Variants in PARVA observed in about 807,000 individuals in gnomAD.
PARVA encodes alpha-parvin.
PARVA carries 25 observed loss-of-function variants against 52.6 expected under a neutral mutation model. The observed-to-expected ratio is 0.48, with a 90% confidence interval of 0.35 to 0.66. The LOEUF (loss-of-function observed/expected upper bound fraction) is 0.66, where lower values mean the gene tolerates loss of function less well. PARVA is among the 30% of genes least tolerant of loss of function. The pLI is 0.01. For missense variants in PARVA, 373 were observed against 450.9 expected (o/e 0.83, Z 1.56); for synonymous variants, 185 against 179.1 (o/e 1.03, Z -0.26).
chr11:12,497,012 C>T (rs1217004934), intron 5 of PARVA, among the ~76,000 whole-genome samples: 1 of 152,128 alleles, frequency 6.6e-6, no homozygotes, highest in Non-Finnish European at 1.5e-5. Flanking sequence ...TCTGTCTATT[C>T]CAAAGCCCGC....
intron 1 of PARVA, among the ~76,000 whole-genome samples, chr11:12,417,683 G>A (rs1940086790): frequency 6.6e-6 from 1 of 152,184 alleles, no homozygotes; most frequent in South Asian, 2.1e-4. Context: ...TTTCCACAGA[G>A]AAGGGCCCAA....
intron 1 of PARVA, among the ~76,000 whole-genome samples, chr11:12,403,911 T>A (rs116354959): frequency 2.6e-5 from 4 of 152,172 alleles, no homozygotes; most frequent in South Asian, 2.1e-4. Flanking sequence ...TTTTTAACCC[T>A]CTCTCACCAA....
chr11:12,505,354 A>C (rs1482798896), intron 6 of PARVA, among the ~76,000 whole-genome samples: 1 of 152,166 alleles, frequency 6.6e-6, no homozygotes, highest in Non-Finnish European at 1.5e-5. Flanking sequence ...GCCCTGTCAG[A>C]CCAGGCCAGT....
At position 12,453,176 on chromosome 11, in the gene PARVA, T is replaced by C. The variant is rs569073857; in HGVS notation, c.137-20569T>C. ...TCCTCTTGCATTTGAAGGGTTTTTA[T>C]ATCATCCTGACCTGCCTTATTGTGG... On this transcript the variant is annotated intron_variant, in intron 1 of 12. Coordinates refer to ENST00000334956, the MANE Select transcript of PARVA (RefSeq NM_018222.5). The C allele has an allele frequency of 4.1e-4, 153 of 374,226 alleles. 1 individual carries two copies. Among genetic ancestry groups the C allele is most frequent in the South Asian group, 2.2e-3 (111 of 50,156 alleles). The allele number at this position is 374,226 out of a possible 1,614,324, so 23.2% of individuals were successfully genotyped here.
At chr11:12,497,849 A>G (rs185371503) in intron 5 of PARVA, among the ~76,000 whole-genome samples, 2 of 152,170 alleles carry the variant, frequency 1.3e-5, no homozygotes, top group African/African-American at 4.8e-5. Flanking sequence ...AATCCACAAT[A>G]GTCATAAACA....
At chr11:12,452,985 T>G in intron 1 of PARVA, 2 of 456,430 alleles carry the variant, frequency 4.4e-6, no homozygotes, top group Admixed American at 4.7e-5. Context: ...ATGCCATGAT[T>G]GCCATGAAAT....
At chr11:12,513,751 T>G in intron 9 of PARVA, 1 of 592,238 alleles carries the variant, frequency 1.7e-6, no homozygotes, top group Non-Finnish European at 3.0e-6. Context: ...CACCTATCAT[T>G]CTGCCTCTTG....
intron 1 of PARVA, among the ~76,000 whole-genome samples, chr11:12,470,629 G>C (rs1293585709): frequency 2.6e-5 from 4 of 152,162 alleles, no homozygotes; most frequent in African/African-American, 9.7e-5. Context: ...TGGTGAGGGA[G>C]AGAGTTAACA....
At chr11:12,522,355 A>G (rs1480757683) in intron 12 of PARVA, among the ~76,000 whole-genome samples, 2 of 152,148 alleles carry the variant, frequency 1.3e-5, no homozygotes, top group Non-Finnish European at 2.9e-5. Flanking sequence ...GACAAAAATC[A>G]TCAAAACAAT....
rs951435520 is a variant in PARVA, at chr11:12,422,830, G to A, written c.136+45047G>A. Among the ~76,000 whole-genome samples, 6 of 151,774 alleles carry A rather than the reference G, an allele frequency of 4.0e-5. No homozygotes were observed. The South Asian group carries it at 6.3e-4, about 16-fold the overall frequency. Reference sequence around the variant, plus strand: ...TTATCATAATTTAAAATTTTGGGGGGCTCCCTTTGTATTTGTTTTGTTACT... The same window carrying A: ...TTATCATAATTTAAAATTTTGGGGGACTCCCTTTGTATTTGTTTTGTTACT... On this transcript the variant is annotated intron_variant, in intron 1 of 12. Transcript: ENST00000334956.
intron 7 of PARVA, 54 bp from the exon 8 acceptor site, chr11:12,511,458 CCT>C: frequency 6.4e-7 from 1 of 1,573,022 alleles, no homozygotes; most frequent in Admixed American, 1.7e-5. Context: ...AGAGGACTGG[CCT>C]CTTATAAGGG....
chr11:12,496,887 T>A (rs1310946380), intron 5 of PARVA, among the ~76,000 whole-genome samples: 2 of 152,066 alleles, frequency 1.3e-5, no homozygotes, highest in African/African-American at 2.4e-5. Flanking sequence ...CTGAGCTACT[T>A]CTTCTAAGTC....
At chr11:12,441,013 T>A (rs1940459128) in intron 1 of PARVA, among the ~76,000 whole-genome samples, 1 of 152,202 alleles carries the variant, frequency 6.6e-6, no homozygotes, top group African/African-American at 2.4e-5. Flanking sequence ...ACATTCACAG[T>A]CCCAGGATTG....
chr11:12,475,631 C>T (rs530122219), intron 3 of PARVA, among the ~76,000 whole-genome samples: 1 of 152,312 alleles, frequency 6.6e-6, no homozygotes, highest in African/African-American at 2.4e-5. Flanking sequence ...TGGGCCATCT[C>T]ACTAGGGACT....
chr11:12,406,672 T>G (rs979084688), intron 1 of PARVA, among the ~76,000 whole-genome samples: 13 of 135,486 alleles, frequency 9.6e-5, no homozygotes, highest in Admixed American at 2.2e-4. Context: ...TTTTTTTTTT[T>G]TTTTTTTTTT....
intron 1 of PARVA, among the ~76,000 whole-genome samples, chr11:12,448,025 C>G (rs1175120789): frequency 6.6e-6 from 1 of 152,190 alleles, no homozygotes; most frequent in Non-Finnish European, 1.5e-5. Flanking sequence ...ATTAGTTCTC[C>G]TCTCTTTCCC....
chr11:12,377,691 C>A lies in PARVA; in HGVS notation c.44C>A (p.Pro15His). The A allele has an allele frequency of 6.4e-7, 1 of 1,568,158 alleles. No homozygotes were observed. The highest frequency in any genetic ancestry group is 8.6e-7 in the Non-Finnish European group (1 of 1,161,866). ...PQKSPSVPKSPTPKSPPSRKK... is the reference protein window; with the variant it reads ...PQKSPSVPKSHTPKSPPSRKK... ...AAGTCGCCTTCTGTCCCCAAGTCTCCCACTCCCAAGTCGCCCCCGTCCCGC... is the reference window on the plus strand; with the variant it reads ...AAGTCGCCTTCTGTCCCCAAGTCTCACACTCCCAAGTCGCCCCCGTCCCGC... The change falls in exon 1 of 13, where the codon CCC (proline) becomes CAC (histidine). Residue 15 changes from proline (P) to histidine (H), a missense_variant. Transcript: ENST00000334956.
Position 12,535,082 on chromosome 11 carries a change from AG to A in PARVA, c.*7162del, listed in dbSNP as rs984986319. Reference sequence around the variant, plus strand: ...CTCTCTGATCCACTGCACTTGGGGCAGGGGGTGCATTCTCTGTGCCTCTCCT... The same window carrying A: ...CTCTCTGATCCACTGCACTTGGGGCAGGGGTGCATTCTCTGTGCCTCTCCT... On this transcript the variant is annotated 3_prime_UTR_variant, in exon 13 of 13. Transcript: ENST00000334956. Among the ~76,000 whole-genome samples the A allele has an allele frequency of 3.7e-4, 56 of 152,302 alleles. No individual in the cohort carries two copies. The highest frequency in any genetic ancestry group is 1.3e-3 in the African/African-American group (55 of 41,574).
intron 6 of PARVA, 53 bp downstream of exon 6, chr11:12,504,482 G>T: frequency 8.9e-7 from 1 of 1,121,544 alleles, no homozygotes; most frequent in Admixed American, 1.8e-5. Context: ...CGTGGAGGTC[G>T]AGTTCCTATG....
Sources: allele counts gnomAD v4.1 joint callset (sites outside exome capture counted in the v4.1 genomes callset), GRCh38; gene constraint gnomAD v4.1.1; transcripts MANE v1.5; gene names NCBI Gene and HGNC (gene_info 2026-07-23, HGNC 2026-07-21).